IPCEF1: variants seen among roughly 807,000 people sequenced by gnomAD.
IPCEF1 encodes interactor protein for cytohesin exchange factors 1.
In IPCEF1, 31 loss-of-function variants were observed where a neutral mutation model predicts 50.9. The ratio of observed to expected loss-of-function variants is 0.61; its 90% CI spans 0.46 to 0.82. IPCEF1 has a LOEUF of 0.82. Ranked by LOEUF, IPCEF1 falls within the 40% of genes least tolerant of loss-of-function variation. IPCEF1 has a pLI of 0.00. For synonymous variants in IPCEF1, 181 were observed against 192.0 expected (o/e 0.94, Z 0.47); for missense variants, 458 against 514.0 (o/e 0.89, Z 1.05).
In IPCEF1 at chr6:154,199,783, T is replaced by C. The variant is rs755743541; in HGVS notation, c.795A>G (p.Thr265=). 1 of 1,614,260 alleles carries C rather than the reference T, an allele frequency of 6.2e-7. No homozygotes were observed. Among genetic ancestry groups the C allele is most frequent in the Non-Finnish European group, 8.5e-7 (1 of 1,180,042 alleles). Residue 265 remains threonine (T), a synonymous_variant, in exon 10 of 12, where the codon ACA becomes ACG. Transcript: ENST00000367220. The part of the protein sequence containing the change: ...IHKALENSFV[T]SESGFLNSLS... ...AAGAGTTCAAAAATCCACTTTCTGA[T>C]GTGACAAAACTGTTTTCCAGGGCCT...
rs558652099 is a variant in IPCEF1, at chr6:154,235,543, A to AT, written c.246+11047_246+11048insA. Among the ~76,000 whole-genome samples, 125 of 148,782 alleles carry AT rather than the reference A, an allele frequency of 8.4e-4. 1 individual carries two copies. The South Asian group carries it at 0.01, about 12-fold the overall frequency. ...CAAAACTCTGTCACAAAAAAAAAAA[A>AT]AAAAAAAAGTAATGAAGACAAAGTT... is the stretch of plus-strand genomic sequence containing the variant. On this transcript the variant is annotated intron_variant, in intron 5 of 11. Coordinates refer to ENST00000367220, the MANE Select transcript of IPCEF1 (RefSeq NM_001130700.2).
chr6:154,295,202 A>C (rs971743148), intron 1 of IPCEF1, among the ~76,000 whole-genome samples: 2 of 152,184 alleles, frequency 1.3e-5, no homozygotes. Flanking sequence ...CATCTCAAAA[A>C]AAAAAATACT....
rs1320650612 is a variant in IPCEF1 at position 154,214,216 on chromosome 6, A to T, written c.451+2T>A. ...TTTTCAGAAATTTAAAATAGAACAT[A>T]CCTTCATCCTTTGTAGTGGATTCCT... On this transcript the variant is annotated splice_donor_variant, in intron 8 of 11. Coordinates refer to ENST00000367220, the MANE Select transcript of IPCEF1 (RefSeq NM_001130700.2). LOFTEE classifies it high-confidence loss of function. 6.3e-7 allele frequency: 1 copy of T among 1,590,534 alleles called. No homozygotes were observed. Among genetic ancestry groups the T allele is most frequent in the East Asian group, 2.2e-5 (1 of 44,738 alleles).
chr6:154,262,777 T>C, intron 3 of IPCEF1, among the ~76,000 whole-genome samples: 1 of 41,786 alleles, frequency 2.4e-5, no homozygotes, highest in South Asian at 4.6e-4. Flanking sequence ...TCCTTTTTTT[T>C]TTTTTTTTTT....
intron 5 of IPCEF1, among the ~76,000 whole-genome samples, chr6:154,245,810 T>C (rs1000838631): frequency 6.6e-6 from 1 of 152,328 alleles, no homozygotes; most frequent in African/African-American, 2.4e-5. Context: ...AAACGTCTCC[T>C]CATTCGACAT....
intron 2 of IPCEF1, among the ~76,000 whole-genome samples, chr6:154,269,014 T>C (rs184162039): frequency 6.6e-6 from 1 of 152,304 alleles, no homozygotes; most frequent in Admixed American, 6.5e-5. Context: ...ATTGGTCCTT[T>C]AACATCTGAC....
chr6:154,301,698 A>C (rs757021671), intron 1 of IPCEF1, among the ~76,000 whole-genome samples: 9 of 152,158 alleles, frequency 5.9e-5, no homozygotes, highest in Non-Finnish European at 1.0e-4. Context: ...TGTGTGGATA[A>C]TTTAACGTGA....
intron 1 of IPCEF1, among the ~76,000 whole-genome samples, chr6:154,311,310 G>C (rs552009810): frequency 6.6e-6 from 1 of 152,190 alleles, no homozygotes; most frequent in African/African-American, 2.4e-5. Context: ...CTTTCTGCCA[G>C]TCTTCTTTCA....
chr6:154,273,728 T>TTTTTC (rs1781964538), intron 2 of IPCEF1, among the ~76,000 whole-genome samples: 3 of 18,404 alleles, frequency 1.6e-4, no homozygotes, highest in African/African-American at 7.0e-4. Context: ...TTCTTTCTTT[T>TTTTTC]TTTTTTTTTT....
At chr6:154,226,338 C>G (rs761405447) in intron 5 of IPCEF1, among the ~76,000 whole-genome samples, 16 of 152,288 alleles carry the variant, frequency 1.1e-4, no homozygotes, top group Admixed American at 7.8e-4. Context: ...TTCCCATGGG[C>G]CCCGCAAGAG....
chr6:154,210,036 A>G (rs1777840497), intron 9 of IPCEF1, among the ~76,000 whole-genome samples: 1 of 152,230 alleles, frequency 6.6e-6, no homozygotes, highest in African/African-American at 2.4e-5. Context: ...ATTTTAAATC[A>G]AGTATTCCCT....
At chr6:154,286,869 T>C (rs1782372883) in intron 2 of IPCEF1, among the ~76,000 whole-genome samples, 1 of 152,170 alleles carries the variant, frequency 6.6e-6, no homozygotes, top group Non-Finnish European at 1.5e-5. Context: ...CCACGTGATA[T>C]TGTTTGGCCC....
intron 5 of IPCEF1, among the ~76,000 whole-genome samples, chr6:154,223,882 T>C (rs1213745255): frequency 2.0e-5 from 3 of 152,234 alleles, no homozygotes; most frequent in African/African-American, 7.2e-5. Flanking sequence ...CTGGGAATTC[T>C]TTCTACAAAG....
chr6:154,318,799 C>T (rs768597070), intron 1 of IPCEF1, among the ~76,000 whole-genome samples: 7 of 151,822 alleles, frequency 4.6e-5, no homozygotes, highest in Admixed American at 1.3e-4. Flanking sequence ...TATTTTTTCC[C>T]TCATTCCATC....
intron 1 of IPCEF1, among the ~76,000 whole-genome samples, chr6:154,290,939 G>A (rs1782499864): frequency 7.0e-6 from 1 of 143,486 alleles, no homozygotes; most frequent in Admixed American, 7.1e-5. Context: ...GCCCAGGCTG[G>A]AATGCAGTGG....
At chr6:154,322,984 G>A (rs532155320) in intron 1 of IPCEF1, among the ~76,000 whole-genome samples, 1 of 152,218 alleles carries the variant, frequency 6.6e-6, no homozygotes, top group Non-Finnish European at 1.5e-5. Context: ...GAAACAGTTA[G>A]AGGAATTTGA....
At chr6:154,273,257 C>T (rs1362737079) in intron 2 of IPCEF1, among the ~76,000 whole-genome samples, 2 of 152,196 alleles carry the variant, frequency 1.3e-5, no homozygotes, top group Non-Finnish European at 2.9e-5. Context: ...AAACAATGTG[C>T]GTTATTCTTA....
chr6:154,351,625 G>A (rs1014080390), intron 1 of IPCEF1, among the ~76,000 whole-genome samples: 3 of 152,178 alleles, frequency 2.0e-5, no homozygotes, highest in Admixed American at 1.3e-4. Flanking sequence ...TGAAAACAAT[G>A]TAATGTGTAG....
intron 3 of IPCEF1, among the ~76,000 whole-genome samples, chr6:154,248,293 G>C (rs551103833): frequency 1.1e-3 from 151 of 141,750 alleles, no homozygotes; most frequent in African/African-American, 3.7e-3. Flanking sequence ...ATATTTTTAA[G>C]TGCTTTAAAA....
Sources: allele counts gnomAD v4.1 joint callset (sites outside exome capture counted in the v4.1 genomes callset), GRCh38; gene constraint gnomAD v4.1.1; transcripts MANE v1.5; gene names NCBI Gene and HGNC (gene_info 2026-07-23, HGNC 2026-07-21).